NEO1: variants seen among roughly 807,000 people sequenced by gnomAD.
NEO1 encodes the protein neogenin 1.
Under a neutral mutation model 159.7 loss-of-function variants are expected in NEO1, and 63 were observed. The observed-to-expected ratio is 0.39, with a 90% CI of 0.32 to 0.49. NEO1 has a LOEUF of 0.49. NEO1 is among the 20% of genes least tolerant of loss of function. The pLI, the probability that NEO1 is intolerant of heterozygous loss-of-function variation, is 0.85. For missense variants in NEO1, 1,615 were observed against 1,831.0 expected (o/e 0.88, Z 2.15); for synonymous variants, 633 against 662.0 (o/e 0.96, Z 0.67).
chr15:73,074,682 G>C (rs2068688386), intron 1 of NEO1, among the ~76,000 whole-genome samples: 1 of 152,140 alleles, frequency 6.6e-6, no homozygotes, highest in Admixed American at 6.6e-5. Flanking sequence ...CTTTATGGGA[G>C]GGGGGAAGCT....
At chr15:73,122,492 A>G (rs1412018890) in intron 2 of NEO1, 33 bp from the exon 3 acceptor site, 2 of 1,586,542 alleles carry the variant, frequency 1.3e-6, no homozygotes, top group Non-Finnish European at 1.7e-6. Context: ...ATATTTAAAT[A>G]AATTTTATTT....
At chr15:73,211,576 G>A (rs946441557) in intron 7 of NEO1, among the ~76,000 whole-genome samples, 1 of 152,170 alleles carries the variant, frequency 6.6e-6, no homozygotes, top group African/African-American at 2.4e-5. Context: ...TTAGCCAGGC[G>A]TGGTGGCACA....
At chr15:73,108,033 A>G (rs780234205) in intron 1 of NEO1, among the ~76,000 whole-genome samples, 2 of 152,234 alleles carry the variant, frequency 1.3e-5, no homozygotes, top group Non-Finnish European at 2.9e-5. Flanking sequence ...AAGACAAACA[A>G]CAACAACAAA....
intron 5 of NEO1, 137 bp from the exon 6 acceptor site, chr15:73,176,266 G>T: frequency 2.2e-6 from 1 of 451,284 alleles, no homozygotes; most frequent in Non-Finnish European, 3.7e-6. Context: ...TTTATTTTAT[G>T]CTTTTGCAAA....
chr15:73,289,072 A>C, intron 24 of NEO1, 74 bp from the exon 25 acceptor site: 1 of 1,139,020 alleles, frequency 8.8e-7, no homozygotes, highest in Non-Finnish European at 1.3e-6. Context: ...CCCCTACTAG[A>C]AATGTTTCAC....
intron 25 of NEO1, among the ~76,000 whole-genome samples, chr15:73,290,820 A>G (rs1011171174): frequency 6.6e-6 from 1 of 152,136 alleles, no homozygotes; most frequent in Non-Finnish European, 1.5e-5. Flanking sequence ...CATGAATATC[A>G]TACATGCAAC....
At chr15:73,069,662 A>G (rs907072888) in intron 1 of NEO1, among the ~76,000 whole-genome samples, 17 of 152,116 alleles carry the variant, frequency 1.1e-4, no homozygotes, top group African/African-American at 4.1e-4. Flanking sequence ...ATTTTTATAT[A>G]TATACACATA....
Position 73,176,453 on chromosome 15 carries a change from A to G in NEO1, c.1066A>G (p.Met356Val), listed in dbSNP as rs757174587. ...QPTNIYAHES[M>V]DIVFECEVTG... ...TACTAATATATATGCTCACGAATCTATGGATATTGTATTTGAATGTGAAGT... is the reference window on the plus strand; with the variant it reads ...TACTAATATATATGCTCACGAATCTGTGGATATTGTATTTGAATGTGAAGT... Residue 356 changes from methionine to valine, a missense_variant, in exon 6 of 29, where the codon ATG becomes GTG. Transcript: ENST00000261908. 1.1e-5 allele frequency: 17 copies of G among 1,609,494 alleles called. No individual in the cohort carries two copies. The highest frequency in any genetic ancestry group is 2.7e-5 in the African/African-American group (2 of 74,782).
chr15:73,263,311 A>G (rs536735038), intron 15 of NEO1, among the ~76,000 whole-genome samples: 11 of 150,928 alleles, frequency 7.3e-5, no homozygotes, highest in African/African-American at 2.7e-4. Context: ...CTCCTGCCTC[A>G]ACCTCCTGAG....
Position 73,244,479 on chromosome 15 carries a change from A to C in NEO1, c.1587A>C (p.Arg529=), listed in dbSNP as rs2039651820. The change falls in exon 9 of 29, where the codon CGA becomes CGC. Residue 529 remains arginine (R), a synonymous_variant. Coordinates refer to ENST00000261908, the MANE Select transcript of NEO1 (RefSeq NM_002499.4). ...HGSGESSAPL[R]VETQPEVQLP... Reference sequence around the variant, plus strand: ...CAGGAGAGAGTTCAGCTCCACTGCGAGTAGAAACACAACCTGAGGGTAAGT... The same window carrying C: ...CAGGAGAGAGTTCAGCTCCACTGCGCGTAGAAACACAACCTGAGGGTAAGT... The C allele has an allele frequency of 6.2e-7, 1 of 1,613,658 alleles. No homozygotes were observed. Among genetic ancestry groups the C allele is most frequent in the Non-Finnish European group, 8.5e-7 (1 of 1,179,794 alleles).
At chr15:73,280,062 T>G (rs1480775102) in intron 22 of NEO1, among the ~76,000 whole-genome samples, 1 of 152,200 alleles carries the variant, frequency 6.6e-6, no homozygotes, top group Non-Finnish European at 1.5e-5. Flanking sequence ...TCAACTGTTA[T>G]TACTCTGATA....
chr15:73,244,650 A>G, intron 9 of NEO1, 152 bp downstream of exon 9: 1 of 801,836 alleles, frequency 1.2e-6, no homozygotes, highest in South Asian at 2.5e-5. Context: ...ATTAATTTAC[A>G]TCAAAAAACA....
chr15:73,081,715 A>G (rs4609810), intron 1 of NEO1, among the ~76,000 whole-genome samples: 47,648 of 151,738 alleles, frequency 0.31, 9,099 homozygotes, highest in Admixed American at 0.45. Context: ...AGCTGGGACC[A>G]TAGGTGCATG....
intron 1 of NEO1, among the ~76,000 whole-genome samples, chr15:73,059,002 C>T (rs1209201279): frequency 6.6e-6 from 1 of 151,964 alleles, no homozygotes; most frequent in Non-Finnish European, 1.5e-5. Flanking sequence ...GGAAAATCGT[C>T]TATGTTACTT....
chr15:73,221,613 C>G (rs1424495877), intron 7 of NEO1: 3 of 156,094 alleles, frequency 1.9e-5, no homozygotes, highest in Non-Finnish European at 4.2e-5. Flanking sequence ...CTTTGTTTAC[C>G]TAAGCAAGCC....
chr15:73,276,742 A>G (rs550269531), intron 21 of NEO1, among the ~76,000 whole-genome samples: 33 of 152,360 alleles, frequency 2.2e-4, no homozygotes, highest in African/African-American at 5.8e-4. Flanking sequence ...TTCATTGAAT[A>G]TATGTATCTC....
chr15:73,117,638 T>A (rs1019224801), intron 2 of NEO1, among the ~76,000 whole-genome samples: 22 of 152,216 alleles, frequency 1.4e-4, no homozygotes, highest in Admixed American at 1.4e-3. Flanking sequence ...CCCATCTCAT[T>A]CCTACTCCAG....
rs1466712402 is a variant in NEO1 at position 73,125,308 on chromosome 15, G to A, written c.725-1109G>A. ...AATGTCAGTCATAGAAATATGTTTT[G>A]TGGTTGATTACGGAGGTGGGAGCAA... On this transcript the variant is annotated intron_variant, in intron 3 of 28. Coordinates refer to ENST00000261908, the MANE Select transcript of NEO1 (RefSeq NM_002499.4). 2.0e-5 allele frequency among the ~76,000 whole-genome samples: 3 copies of A among 152,312 alleles called. No homozygotes were observed. The South Asian group carries it at 6.2e-4, about 32-fold the overall frequency.
intron 5 of NEO1, among the ~76,000 whole-genome samples, chr15:73,169,979 G>C (rs1170243833): frequency 6.6e-6 from 1 of 151,938 alleles, no homozygotes; most frequent in Admixed American, 6.6e-5. Context: ...AGGTAGGTAG[G>C]TTTGTTTGAA....
Sources: allele counts gnomAD v4.1 joint callset (sites outside exome capture counted in the v4.1 genomes callset), GRCh38; gene constraint gnomAD v4.1.1; transcripts MANE v1.5; gene names NCBI Gene and HGNC (gene_info 2026-07-23, HGNC 2026-07-21).